CCT7: variants seen among roughly 807,000 people sequenced by gnomAD.
CCT7 encodes T-complex protein 1 subunit eta.
Under a neutral mutation model 56.6 loss-of-function variants are expected in CCT7, and 16 were observed. The observed-to-expected ratio is 0.28, with a 90% CI of 0.19 to 0.43. The LOEUF (loss-of-function observed/expected upper bound fraction) is 0.43, where lower values mean the gene tolerates loss of function less well. CCT7 is among the 20% of genes least tolerant of loss of function. The probability of loss-of-function intolerance (pLI) is 1.00; values close to 1 mark genes in which losing one functional copy is unlikely to be tolerated. For missense variants in CCT7, 519 were observed against 685.6 expected (o/e 0.76, Z 2.71); for synonymous variants, 262 against 254.8 (o/e 1.03, Z -0.27).
At chr2:73,248,055 G>A in intron 7 of CCT7, 129 bp downstream of exon 7, 1 of 785,962 alleles carries the variant, frequency 1.3e-6, no homozygotes, top group Non-Finnish European at 2.0e-6. Flanking sequence ...CTAAGTACTA[G>A]GCCCCCTTCT....
At chr2:73,234,747 G>C (rs1309061449) in intron 1 of CCT7, among the ~76,000 whole-genome samples, 1 of 152,230 alleles carries the variant, frequency 6.6e-6, no homozygotes, top group African/African-American at 2.4e-5. Flanking sequence ...TCGGCAGCTA[G>C]ACTTGGAAGC....
rs140452583 is a variant in CCT7 at position 73,247,310 on chromosome 2, A to T, written c.619-452A>T. Among the ~76,000 whole-genome samples the T allele has an allele frequency of 3.7e-3, 565 of 152,286 alleles. 5 individuals carry two copies. Among genetic ancestry groups the T allele is most frequent in the African/African-American group, 0.013 (534 of 41,566 alleles). On this transcript the variant is annotated intron_variant, in intron 6 of 11. Transcript: ENST00000258091. ...AGGGTGCAGTGCAAATTATGGGTAC[A>T]TGGAGGTGTACAGGAGGATACTTGA...
chr2:73,237,492 A>T (rs990768147), intron 1 of CCT7: 1 of 152,178 alleles, frequency 6.6e-6, no homozygotes, highest in Non-Finnish European at 1.5e-5. Context: ...GCCATAAGGA[A>T]TGATTTAGCA....
chr2:73,251,095 C>CG (rs1687556438), intron 10 of CCT7, 131 bp from the exon 11 acceptor site: 1 of 761,314 alleles, frequency 1.3e-6, no homozygotes, highest in African/African-American at 1.7e-5. Flanking sequence ...TGTGTCTGGG[C>CG]GTTTGGGGCT....
At chr2:73,250,769 T>C (rs943417564) in intron 10 of CCT7, among the ~76,000 whole-genome samples, 5 of 151,388 alleles carry the variant, frequency 3.3e-5, no homozygotes, top group African/African-American at 1.2e-4. Context: ...AGATCCTGTC[T>C]CTACAAAAAT....
chr2:73,249,887 G>A lies in CCT7; in HGVS notation c.1041G>A (p.Val347=). ...CAGATGTGCTGGGTCGATGCCAGGTGTTTGAAGAGACCCAGATTGGAGGCG... is the reference window on the plus strand; with the variant it reads ...CAGATGTGCTGGGTCGATGCCAGGTATTTGAAGAGACCCAGATTGGAGGCG... ...LSADVLGRCQ[V]FEETQIGGER... Residue 347 remains valine, a synonymous_variant, in exon 9 of 12, where the codon GTG becomes GTA. Coordinates refer to ENST00000258091, the MANE Select transcript of CCT7 (RefSeq NM_006429.4). 6.2e-7 allele frequency: 1 copy of A among 1,613,660 alleles called. No individual in the cohort carries two copies. The highest frequency in any genetic ancestry group is 8.5e-7 in the Non-Finnish European group (1 of 1,179,516).
At chr2:73,250,133 A>C (rs1432050791) in intron 9 of CCT7, among the ~76,000 whole-genome samples, 173 bp from the exon 10 acceptor site, 1 of 152,206 alleles carries the variant, frequency 6.6e-6, no homozygotes, top group African/African-American at 2.4e-5. Flanking sequence ...TTTATGCCCT[A>C]GTGGTACAGC....
chr2:73,239,657 C>T lies in CCT7; in HGVS notation c.21C>T (p.Ile7=). Residue 7 remains isoleucine (I), a synonymous_variant, in exon 2 of 12, where the codon ATC becomes ATT. Coordinates refer to ENST00000258091, the MANE Select transcript of CCT7 (RefSeq NM_006429.4). MMPTPV[I]LLKEGTDSSQ... is the part of the protein sequence containing the mutation. ...TTCTTTTCTAGCCCACACCAGTTAT[C>T]CTATTGAAAGAGGGGACTGATAGCT... 1 of 1,613,864 alleles carries T rather than the reference C, an allele frequency of 6.2e-7. No homozygotes were observed. The highest frequency in any genetic ancestry group is 8.5e-7 in the Non-Finnish European group (1 of 1,179,800).
chr2:73,243,927 G>C, intron 4 of CCT7, 70 bp from the exon 5 acceptor site: 1 of 1,405,414 alleles, frequency 7.1e-7, no homozygotes, highest in Non-Finnish European at 1.0e-6. Flanking sequence ...CAGGACTATT[G>C]AGAGATTGAG....
chr2:73,251,758 T>G (rs529640620), intron 11 of CCT7, among the ~76,000 whole-genome samples: 148 of 152,000 alleles, frequency 9.7e-4, no homozygotes, highest in African/African-American at 3.4e-3. Context: ...GCCAACATAG[T>G]GAAACCCTAT....
chr2:73,239,524 G>A, intron 1 of CCT7, 119 bp from the exon 2 acceptor site: 1 of 895,472 alleles, frequency 1.1e-6, no homozygotes, highest in South Asian at 1.7e-5. Context: ...GGGGAATGTG[G>A]TTTAAGAAGA....
Position 73,249,006 on chromosome 2 carries a change from G to T in CCT7, c.799G>T (p.Val267Phe), listed in dbSNP as rs1274001134. 1.9e-6 allele frequency: 3 copies of T among 1,612,850 alleles called. No individual in the cohort carries two copies. In the Admixed American group the frequency reaches 5.0e-5, roughly 27 times the overall value. Reference protein sequence around the residue: ...VHTVEDYQAIVDAEWNILYDK... With the variant: ...VHTVEDYQAIFDAEWNILYDK... The stretch of plus-strand genomic sequence containing the variant: ...GTCTCTCCAGGATTATCAGGCAATT[G>T]TTGATGCTGAGTGGAACATTCTCTA... The change falls in exon 8 of 12, where the codon GTT becomes TTT. Residue 267 changes from valine (V) to phenylalanine (F), a missense_variant. This residue lies in a region of CCT7 where 276 missense variants were observed against 357.3 expected (regional missense o/e 0.77). Coordinates refer to ENST00000258091, the MANE Select transcript of CCT7 (RefSeq NM_006429.4).
At chr2:73,238,950 A>G (rs1419205406) in intron 1 of CCT7, 1 of 152,246 alleles carries the variant, frequency 6.6e-6, no homozygotes, top group Non-Finnish European at 1.5e-5. Flanking sequence ...TGCAATATAG[A>G]AAGAGGAAAA....
At chr2:73,235,994 T>C (rs1686866412) in intron 1 of CCT7, among the ~76,000 whole-genome samples, 2 of 152,206 alleles carry the variant, frequency 1.3e-5, no homozygotes, top group African/African-American at 2.4e-5. Context: ...GCTCTTGATA[T>C]CTCCTCCCCA....
intron 5 of CCT7, 141 bp downstream of exon 5, chr2:73,244,190 G>A (rs144024955): frequency 2.3e-5 from 19 of 826,650 alleles, no homozygotes; most frequent in Middle Eastern, 3.0e-4. Context: ...GTGAGTCACC[G>A]TGTCAGGCCT....
chr2:73,238,977 G>A (rs1167410149), intron 1 of CCT7: 1 of 152,284 alleles, frequency 6.6e-6, no homozygotes, highest in African/African-American at 2.4e-5. Context: ...TGGGGTATCT[G>A]ATTGGAAATT....
chr2:73,247,721 G>A (rs752751728), intron 6 of CCT7, 41 bp from the exon 7 acceptor site: 1 of 1,589,340 alleles, frequency 6.3e-7, no homozygotes, highest in Non-Finnish European at 8.6e-7. Context: ...TTTATTTCAT[G>A]TTAGTACCAA....
In CCT7 at chr2:73,244,065, G is replaced by GGT; in HGVS notation, c.446+16_446+17insGT. On this transcript the variant is annotated intron_variant, in intron 5 of 11. Coordinates refer to ENST00000258091, the MANE Select transcript of CCT7 (RefSeq NM_006429.4). ...CAGATAAAGTGTAAGTCTGTAGTGG[G>GGT]TTTTTTTTTTTTTTTTTAAAGAGAC... 2 of 1,438,316 alleles carry GGT rather than the reference G, an allele frequency of 1.4e-6. No individual in the cohort carries two copies. Among genetic ancestry groups the GGT allele is most frequent in the Non-Finnish European group, 1.9e-6 (2 of 1,061,066 alleles). 89.1% of individuals were successfully genotyped at this position (1,438,316 alleles called of 1,614,324 possible). A position where few individuals can be genotyped will look rare whatever the true frequency, so the allele number is the denominator to read the frequency against.
intron 6 of CCT7, among the ~76,000 whole-genome samples, chr2:73,246,041 T>C (rs1687318163): frequency 2.0e-5 from 3 of 152,122 alleles, no homozygotes; most frequent in Non-Finnish European, 4.4e-5. Flanking sequence ...GGACTAATAA[T>C]CTTACCTGGC....
Sources: gnomAD v4.1 joint callset for allele counts (sites outside exome capture counted in the v4.1 genomes callset) on GRCh38, gnomAD v4.1.1 for gene constraint, gnomAD v4.1.1 regional missense constraint, MANE v1.5 for transcripts, NCBI Gene and HGNC (gene_info 2026-07-23, HGNC 2026-07-21) for gene names.